VANGL2: variants seen among roughly 807,000 people sequenced by gnomAD.
VANGL2 encodes the protein VANGL planar cell polarity protein 2.
In VANGL2, 14 loss-of-function variants were observed where a neutral mutation model predicts 50.2. The observed-to-expected ratio is 0.28, with a 90% CI of 0.18 to 0.44. The LOEUF is 0.44. Ranked by LOEUF, VANGL2 falls within the 20% of genes least tolerant of loss-of-function variation. The pLI, the probability that VANGL2 is intolerant of heterozygous loss-of-function variation, is 1.00. For missense variants in VANGL2, 533 were observed against 701.5 expected (o/e 0.76, Z 2.71); for synonymous variants, 295 against 297.2 (o/e 0.99, Z 0.08).
chr1:160,407,537 A>C (rs1249470628), intron 1 of VANGL2, among the ~76,000 whole-genome samples: 2 of 152,184 alleles, frequency 1.3e-5, no homozygotes, highest in African/African-American at 2.4e-5. Flanking sequence ...AGGTTGGCTA[A>C]CTTCCCCTTC....
intron 1 of VANGL2, among the ~76,000 whole-genome samples, chr1:160,408,629 A>C (rs1028110530): frequency 1.3e-5 from 2 of 151,964 alleles, no homozygotes; most frequent in Non-Finnish European, 2.9e-5. Flanking sequence ...TGGGGCTATG[A>C]GGATGGTGAG....
rs1411078428 is a variant in VANGL2, at chr1:160,419,900, A to T, written c.800+291A>T. Among the ~76,000 whole-genome samples, 1 of 124,728 alleles carries T rather than the reference A, an allele frequency of 8.0e-6. No individual in the cohort carries two copies. The highest frequency in any genetic ancestry group is 8.6e-5 in the Admixed American group (1 of 11,656). 81.8% of individuals were successfully genotyped at this position (124,728 alleles called of 152,430 possible). A position where few individuals can be genotyped will look rare whatever the true frequency, so the allele number is the denominator to read the frequency against. On this transcript the variant is annotated intron_variant, in intron 4 of 7. Transcript: ENST00000368061. The surrounding 1 kb of genome is among the most constrained non-coding windows in gnomAD (Gnocchi z 5.8). ...GGGGGATGGACCAAAGGGAAGAAAT[A>T]TGGGGGGGTGCACAAACAGGGGCTT...
rs144435825 is a variant in VANGL2, at chr1:160,424,217, C to T, written c.1239C>T (p.Pro413=). The change falls in exon 7 of 8, where the codon CCC becomes CCT. Residue 413 remains proline, a synonymous_variant. Transcript: ENST00000368061. ...QKYLRTTKQQ[P]YHTMESILQH... ...ACCTTCGGACCACCAAGCAGCAGCC[C>T]TACCACACCATGGAGAGCATCCTGC... The T allele has an allele frequency of 6.2e-7, 1 of 1,614,088 alleles. No homozygotes were observed. The highest frequency in any genetic ancestry group is 8.5e-7 in the Non-Finnish European group (1 of 1,180,034).
At chr1:160,413,590 C>G (rs1425820597) in intron 1 of VANGL2, among the ~76,000 whole-genome samples, 1 of 152,138 alleles carries the variant, frequency 6.6e-6, no homozygotes, top group Non-Finnish European at 1.5e-5. Context: ...AGCCTCTCAG[C>G]AGCATTTGAC....
At chr1:160,412,770 A>C (rs571409391) in intron 1 of VANGL2, among the ~76,000 whole-genome samples, 18 of 152,326 alleles carry the variant, frequency 1.2e-4, no homozygotes, top group Non-Finnish European at 2.6e-4. Flanking sequence ...ATCTCCCTAC[A>C]GTCATTATAG....
intron 1 of VANGL2, among the ~76,000 whole-genome samples, chr1:160,401,360 G>C (rs553897289): frequency 2.6e-5 from 4 of 152,236 alleles, no homozygotes; most frequent in South Asian, 2.1e-4. Context: ...GTGGAGTCAG[G>C]GGGGCGGGTT....
Position 160,425,492 on chromosome 1 carries a change from T to C in VANGL2, c.*114T>C. The C allele has an allele frequency of 1.8e-6, 2 of 1,089,496 alleles. No homozygotes were observed. Among genetic ancestry groups the C allele is most frequent in the Middle Eastern group, 3.1e-4 (1 of 3,234 alleles). 67.5% of individuals were successfully genotyped at this position (1,089,496 alleles called of 1,614,324 possible). The stretch of plus-strand genomic sequence containing the variant: ...CACCCTTCTTCTTCTTGCTCTTTTT[T>C]TTTTACTTGAATTAACGCACCCCCA... On this transcript the variant is annotated 3_prime_UTR_variant, in exon 8 of 8. Transcript: ENST00000368061.
At chr1:160,418,943 C>A in intron 3 of VANGL2, 59 bp from the exon 4 acceptor site, 1 of 1,552,328 alleles carries the variant, frequency 6.4e-7, no homozygotes, top group South Asian at 1.2e-5. Flanking sequence ...CTGTTTCCCT[C>A]CTCTTCCTCT....
intron 1 of VANGL2, among the ~76,000 whole-genome samples, chr1:160,405,367 C>T (rs1650617599): frequency 6.6e-6 from 1 of 152,132 alleles, no homozygotes. Flanking sequence ...CCCTCTCTCA[C>T]CTTCTCTGTT....
chr1:160,418,376 G>C (rs577919966), intron 3 of VANGL2, among the ~76,000 whole-genome samples: 74 of 152,130 alleles, frequency 4.9e-4, no homozygotes, highest in African/African-American at 1.8e-3. Context: ...CACATTTTAA[G>C]TAGCCAGCCA....
chr1:160,411,961 G>A (rs1158154595), intron 1 of VANGL2, among the ~76,000 whole-genome samples: 1 of 152,166 alleles, frequency 6.6e-6, no homozygotes, highest in Non-Finnish European at 1.5e-5. Context: ...CAGAGGAAGT[G>A]TCTGAGGATT....
rs1212219866 is a variant in VANGL2 at position 160,427,492 on chromosome 1, G to A, written c.*2114G>A. ...TCCAACTCTCTAAGCACTAAGGGCT[G>A]TGCCTGAGAATGGTAGCATTTTGGT... is the stretch of plus-strand genomic sequence containing the variant. On this transcript the variant is annotated 3_prime_UTR_variant, in exon 8 of 8. Transcript: ENST00000368061. 2 of 152,336 alleles carry A rather than the reference G, an allele frequency of 1.3e-5. No homozygotes were observed. Among genetic ancestry groups the A allele is most frequent in the East Asian group, 3.9e-4 (2 of 5,188 alleles). 9.4% of individuals were successfully genotyped at this position (152,336 alleles called of 1,614,324 possible).
At chr1:160,417,484 C>T (rs1651102718) in intron 3 of VANGL2, among the ~76,000 whole-genome samples, 1 of 152,250 alleles carries the variant, frequency 6.6e-6, no homozygotes, top group African/African-American at 2.4e-5. Flanking sequence ...TTCTTGCCTC[C>T]AGAGACAGGT....
intron 1 of VANGL2, among the ~76,000 whole-genome samples, chr1:160,410,404 C>T (rs896371779): frequency 6.6e-6 from 1 of 152,158 alleles, no homozygotes; most frequent in Non-Finnish European, 1.5e-5. Context: ...TTTCTCCCAG[C>T]CCCGTCTGCA....
At chr1:160,401,392 T>A (rs1330803189) in intron 1 of VANGL2, among the ~76,000 whole-genome samples, 1 of 151,762 alleles carries the variant, frequency 6.6e-6, no homozygotes, top group Non-Finnish European at 1.5e-5. Flanking sequence ...ATAGGGTGTA[T>A]GTACAGACCG....
rs201642328 is a variant in VANGL2, at chr1:160,419,658, G to A, written c.800+49G>A. 3.6e-4 allele frequency: 571 copies of A among 1,589,108 alleles called. 1 individual carries two copies. The African/African-American group carries it at 6.7e-3, about 19-fold the overall frequency. On this transcript the variant is annotated intron_variant, in intron 4 of 7. Transcript: ENST00000368061. This position sits in a 1 kb window ranked among gnomAD's most constrained non-coding sequence, Gnocchi z 5.8. ...GGTTGGGAGGGAAAGGGCATGGGAG[G>A]ATGTGGAGTGACTGCTAGGGTGGGA...
intron 3 of VANGL2, among the ~76,000 whole-genome samples, chr1:160,417,114 G>A (rs1372917764): frequency 6.6e-6 from 1 of 152,182 alleles, no homozygotes; most frequent in Non-Finnish European, 1.5e-5. Flanking sequence ...GTCCTTGGAG[G>A]GGGTGGGCAG....
In VANGL2 at chr1:160,419,170, C is replaced by G. The variant is rs1248909860; in HGVS notation, c.361C>G (p.Leu121Val). 1 of 1,613,954 alleles carries G rather than the reference C, an allele frequency of 6.2e-7. No homozygotes were observed. Among genetic ancestry groups the G allele is most frequent in the Non-Finnish European group, 8.5e-7 (1 of 1,180,012 alleles). Residue 121 changes from leucine to valine, a missense_variant, in exon 4 of 8, where the codon CTC becomes GTC. Leu to Val is a conservative substitution (Grantham distance 32, BLOSUM62 1). Coordinates refer to ENST00000368061, the MANE Select transcript of VANGL2 (RefSeq NM_020335.3). The surrounding 1 kb of genome is among the most constrained non-coding windows in gnomAD (Gnocchi z 5.8). ...GGCCACCCTGGCACTGCTGTCTTTC[C>G]TCACGCCTCTGGCCTTCCTGCTGCT... ...AGATLALLSF[L>V]TPLAFLLLPP... is the part of the protein sequence containing the mutation.
intron 1 of VANGL2, among the ~76,000 whole-genome samples, chr1:160,412,041 A>G (rs1282739547): frequency 6.6e-6 from 1 of 152,188 alleles, no homozygotes; most frequent in Non-Finnish European, 1.5e-5. Context: ...CCATTTATAA[A>G]AGCACTTCTT....
Sources: allele counts gnomAD v4.1 joint callset (sites outside exome capture counted in the v4.1 genomes callset), GRCh38; gene constraint gnomAD v4.1.1; non-coding constraint Gnocchi (gnomAD v3.1); transcripts MANE v1.5; gene names NCBI Gene and HGNC (gene_info 2026-07-23, HGNC 2026-07-21).